The following TRIM2 variants were observed in gnomAD, a reference collection of about 807,000 sequenced individuals.
TRIM2 encodes tripartite motif containing 2.
In TRIM2, 20 loss-of-function variants were observed where a neutral mutation model predicts 75.2. The ratio of observed to expected loss-of-function variants is 0.27; its 90% CI spans 0.19 to 0.39. The LOEUF is 0.39. Ranked by LOEUF, TRIM2 falls within the 10% of genes least tolerant of loss-of-function variation. The probability of loss-of-function intolerance (pLI) is 1.00; values close to 1 mark genes in which losing one functional copy is unlikely to be tolerated. For missense variants in TRIM2, 660 were observed against 990.8 expected, an observed-to-expected ratio of 0.67 and a Z score of 4.48; for synonymous variants, 373 against 388.3, an observed-to-expected ratio of 0.96 and a Z score of 0.46.
upstream of TRIM2, among the ~76,000 whole-genome samples, chr4:153,202,422 C>T (rs902767158): frequency 5.3e-5 from 8 of 152,296 alleles, no homozygotes; most frequent in Middle Eastern, 3.4e-3. Context: ...GGAGGCCAGC[C>T]GCGTTGGCTC....
intron 1 of TRIM2, among the ~76,000 whole-genome samples, chr4:153,212,978 C>T (rs1192515663): frequency 6.6e-6 from 1 of 152,154 alleles, no homozygotes; most frequent in Non-Finnish European, 1.5e-5. Context: ...CCTACCAGGG[C>T]ATGTACTTTC....
intron 1 of TRIM2, among the ~76,000 whole-genome samples, chr4:153,215,658 T>C (rs1738287490): frequency 6.6e-6 from 1 of 152,182 alleles, no homozygotes; most frequent in Non-Finnish European, 1.5e-5. Context: ...GTTTTTGAAT[T>C]ATATTTATTA....
intron 1 of TRIM2, among the ~76,000 whole-genome samples, chr4:153,243,816 TTTC>T (rs1394519224): frequency 4.4e-4 from 54 of 123,204 alleles, no homozygotes; most frequent in African/African-American, 2.0e-3. Context: ...CCTTTTTTTT[TTTC>T]CCCCCCCCCT....
chr4:153,307,926 C>G (rs1006014490), intron 6 of TRIM2: 7 of 753,562 alleles, frequency 9.3e-6, no homozygotes, highest in Non-Finnish European at 1.7e-5. Flanking sequence ...AGTCCCCATG[C>G]CCATTATGGA....
intron 6 of TRIM2, among the ~76,000 whole-genome samples, chr4:153,305,612 TG>T (rs1238272596): frequency 6.6e-6 from 1 of 152,042 alleles, no homozygotes; most frequent in Admixed American, 6.5e-5. Flanking sequence ...CATAATATGG[TG>T]GAAAAGCTGA....
At chr4:153,233,694 G>T (rs1158864598) in intron 1 of TRIM2, among the ~76,000 whole-genome samples, 1 of 152,172 alleles carries the variant, frequency 6.6e-6, no homozygotes, top group African/African-American at 2.4e-5. Context: ...GTGGGCCACT[G>T]AGAATGCTTC....
rs140937173 is a variant in TRIM2 at position 153,184,036 on chromosome 4, G to A, written c.-49+30766G>A. On this transcript the variant is annotated intron_variant, in intron 1 of 11. Transcript: ENST00000437508. ...ACTACCCAAGAATGTAATGTCTGCA[G>A]CAGTGGAAGGCTAAGCTGCATGGGG... is the stretch of plus-strand genomic sequence containing the variant. Among the ~76,000 whole-genome samples, 159 of 152,322 alleles carry A rather than the reference G, an allele frequency of 1.0e-3. No homozygotes were observed. The Middle Eastern group carries it at 0.017, about 16-fold the overall frequency.
In TRIM2 at chr4:153,221,054, G is replaced by A. The variant is rs149118841; in HGVS notation, c.30+16494G>A. On this transcript the variant is annotated intron_variant, in intron 1 of 11. Transcript: ENST00000338700. ...AACTTGCATTCAAATGTTCATAGCA[G>A]CATTATTTATACTAGCCACCAGTGG... 1.4e-3 allele frequency among the ~76,000 whole-genome samples: 218 copies of A among 152,286 alleles called. 3 individuals carry two copies. In the South Asian group the frequency reaches 0.015, roughly 10 times the overall value.
intron 1 of TRIM2, among the ~76,000 whole-genome samples, chr4:153,262,831 G>A (rs777636457): frequency 3.3e-5 from 5 of 152,204 alleles, no homozygotes; most frequent in Non-Finnish European, 7.3e-5. Flanking sequence ...CAGCATGGAG[G>A]TTAGAAGCAA....
chr4:153,186,522 C>T (rs756342842), intron 1 of TRIM2, among the ~76,000 whole-genome samples: 3 of 152,202 alleles, frequency 2.0e-5, no homozygotes, highest in Non-Finnish European at 2.9e-5. Flanking sequence ...GAAAGGGCCT[C>T]GTTCTAGTGC....
intron 1 of TRIM2, among the ~76,000 whole-genome samples, chr4:153,171,805 G>A (rs1291889775): frequency 6.2e-5 from 9 of 145,396 alleles, no homozygotes; most frequent in East Asian, 2.0e-4. Context: ...GTCCCTCCCC[G>A]CATCCCAGCT....
At chr4:153,192,748 C>T (rs1180590403) in intron 1 of TRIM2, among the ~76,000 whole-genome samples, 2 of 152,152 alleles carry the variant, frequency 1.3e-5, no homozygotes, top group African/African-American at 2.4e-5. Flanking sequence ...AGTCCCCGGG[C>T]CTTTGCACCC....
chr4:153,210,562 G>A (rs34472528), intron 1 of TRIM2, among the ~76,000 whole-genome samples: 52,851 of 151,978 alleles, frequency 0.35, 10,056 homozygotes, highest in East Asian at 0.62. Context: ...TGACATGCAG[G>A]TTATTCCACT....
intron 1 of TRIM2, among the ~76,000 whole-genome samples, chr4:153,243,792 T>C (rs114192090): frequency 0.031 from 4,531 of 148,552 alleles, 93 homozygotes; most frequent in Non-Finnish European, 0.046. Flanking sequence ...CTTATTCTCC[T>C]TCCTCCTCCC....
intron 1 of TRIM2, among the ~76,000 whole-genome samples, chr4:153,264,138 G>A (rs1411836149): frequency 6.6e-6 from 1 of 152,186 alleles, no homozygotes; most frequent in Non-Finnish European, 1.5e-5. Flanking sequence ...ACACTGAGCT[G>A]GACAAAGGGG....
intron 1 of TRIM2, among the ~76,000 whole-genome samples, chr4:153,240,476 A>G (rs1178634542): frequency 6.6e-6 from 1 of 152,196 alleles, no homozygotes; most frequent in Non-Finnish European, 1.5e-5. Context: ...AAATCAAATA[A>G]TGTTTAGTAA....
At chr4:153,181,521 T>C (rs1313917721) in intron 1 of TRIM2, among the ~76,000 whole-genome samples, 1 of 152,148 alleles carries the variant, frequency 6.6e-6, no homozygotes, top group Non-Finnish European at 1.5e-5. Flanking sequence ...ACAGAGACCT[T>C]CTAGGCCATG....
At chr4:153,316,599 T>A (rs1400779048) in intron 8 of TRIM2, among the ~76,000 whole-genome samples, 1 of 152,152 alleles carries the variant, frequency 6.6e-6, no homozygotes, top group Non-Finnish European at 1.5e-5. Flanking sequence ...AAGGCTGAAT[T>A]TCCAGAGAAA....
At chr4:153,198,063 A>G (rs951758892) in intron 1 of TRIM2, among the ~76,000 whole-genome samples, 1 of 152,182 alleles carries the variant, frequency 6.6e-6, no homozygotes, top group Non-Finnish European at 1.5e-5. Flanking sequence ...CTTATAAGCC[A>G]CCCAGCTTAT....
Sources: allele counts gnomAD v4.1 joint callset (sites outside exome capture counted in the v4.1 genomes callset), GRCh38; gene constraint gnomAD v4.1.1; transcripts MANE v1.5; gene names NCBI Gene and HGNC (gene_info 2026-07-23, HGNC 2026-07-21).